KCNK2: variants seen among roughly 807,000 people sequenced by gnomAD.
The protein encoded by KCNK2 is potassium channel subfamily K member 2.
KCNK2 carries 21 observed loss-of-function variants against 40.5 expected under a neutral mutation model. The observed-to-expected ratio is 0.52, with a 90% CI of 0.37 to 0.75. KCNK2 has a LOEUF of 0.75. Ranked by LOEUF, KCNK2 falls within the 30% of genes least tolerant of loss-of-function variation. The probability of loss-of-function intolerance (pLI) is 0.00; values close to 1 mark genes in which losing one functional copy is unlikely to be tolerated. For synonymous variants in KCNK2, 191 were observed against 202.2 expected, an observed-to-expected ratio of 0.94 and a Z score of 0.47; for missense variants, 399 against 531.6, an observed-to-expected ratio of 0.75 and a Z score of 2.45.
At chr1:215,050,486 G>A (rs940634261) in intron 1 of KCNK2, among the ~76,000 whole-genome samples, 1 of 152,192 alleles carries the variant, frequency 6.6e-6, no homozygotes, top group African/African-American at 2.4e-5. Flanking sequence ...AATAGATAAA[G>A]TTCCTGTACT....
At chr1:215,118,316 T>C (rs1017204783) in intron 2 of KCNK2, among the ~76,000 whole-genome samples, 17 of 152,194 alleles carry the variant, frequency 1.1e-4, no homozygotes. Context: ...TGGGTGATGA[T>C]TATTTTTGTG....
At chr1:215,175,469 A>T (rs2102642119) in intron 5 of KCNK2, among the ~76,000 whole-genome samples, 1 of 151,848 alleles carries the variant, frequency 6.6e-6, no homozygotes, top group African/African-American at 2.4e-5. Context: ...TGTTTTGTTA[A>T]GCACATATTT....
chr1:215,086,992 T>C (rs1558084526), intron 2 of KCNK2, among the ~76,000 whole-genome samples: 1 of 152,254 alleles, frequency 6.6e-6, no homozygotes, highest in Non-Finnish European at 1.5e-5. Flanking sequence ...CCCTTTGCCC[T>C]GTCTTAGAAG....
At chr1:215,203,865 C>T (rs987807232) in intron 6 of KCNK2, among the ~76,000 whole-genome samples, 4 of 151,596 alleles carry the variant, frequency 2.6e-5, no homozygotes, top group African/African-American at 9.7e-5. Flanking sequence ...CATGAAACCC[C>T]GTCTCTACTA....
chr1:215,061,759 A>T (rs186617688), intron 1 of KCNK2, among the ~76,000 whole-genome samples: 2,182 of 148,190 alleles, frequency 0.015, 33 homozygotes, highest in African/African-American at 0.038. Flanking sequence ...ATTTTTTTTT[A>T]AAAAAAATTT....
intron 2 of KCNK2, among the ~76,000 whole-genome samples, chr1:215,111,334 T>C (rs1660675466): frequency 6.6e-6 from 1 of 152,162 alleles, no homozygotes; most frequent in South Asian, 2.1e-4. Context: ...TTTTTCACCA[T>C]TGAGTATAAT....
upstream of KCNK2, among the ~76,000 whole-genome samples, chr1:215,078,573 G>A (rs572090582): frequency 6.6e-6 from 1 of 152,204 alleles, no homozygotes; most frequent in East Asian, 1.9e-4. Context: ...ACTATCATGA[G>A]AACAGCATGG....
At chr1:215,175,949 T>A (rs1475506420) in intron 5 of KCNK2, among the ~76,000 whole-genome samples, 1 of 152,124 alleles carries the variant, frequency 6.6e-6, no homozygotes, top group Non-Finnish European at 1.5e-5. Flanking sequence ...TGAATAGGGC[T>A]CTGATAAACA....
intron 2 of KCNK2, among the ~76,000 whole-genome samples, chr1:215,088,310 T>C (rs1659543220): frequency 6.6e-6 from 1 of 152,190 alleles, no homozygotes; most frequent in African/African-American, 2.4e-5. Context: ...AGTTGAGTGC[T>C]TTATTAGAAG....
At chr1:215,131,161 GT>G (rs900605075) in intron 3 of KCNK2, among the ~76,000 whole-genome samples, 4 of 151,444 alleles carry the variant, frequency 2.6e-5, no homozygotes, top group African/African-American at 7.3e-5. Context: ...CGCCCAGCAA[GT>G]TTTTTTTATT....
At chr1:215,165,980 C>T (rs566481868) in intron 3 of KCNK2, among the ~76,000 whole-genome samples, 2 of 152,182 alleles carry the variant, frequency 1.3e-5, no homozygotes, top group Admixed American at 1.3e-4. Flanking sequence ...TAATTTTAGG[C>T]TCTAACGTAA....
At chr1:215,049,592 C>T (rs982223172) in intron 1 of KCNK2, among the ~76,000 whole-genome samples, 2 of 152,020 alleles carry the variant, frequency 1.3e-5, no homozygotes, top group African/African-American at 4.8e-5. Flanking sequence ...TAGAGCTTTT[C>T]TCTTATTTTT....
At chr1:215,231,015 T>C (rs1666639246) in intron 6 of KCNK2, among the ~76,000 whole-genome samples, 1 of 152,174 alleles carries the variant, frequency 6.6e-6, no homozygotes, top group South Asian at 2.1e-4. Flanking sequence ...CACTAACTGG[T>C]AGAAGCACTC....
chr1:215,149,841 A>C (rs139365762), intron 3 of KCNK2, among the ~76,000 whole-genome samples: 63 of 152,350 alleles, frequency 4.1e-4, no homozygotes, highest in Non-Finnish European at 8.4e-4. Context: ...CACACTCTGA[A>C]ACTTTATCAG....
intron 2 of KCNK2, among the ~76,000 whole-genome samples, chr1:215,121,950 CAGAA>C (rs1661206156): frequency 2.0e-5 from 3 of 152,056 alleles, no homozygotes; most frequent in Non-Finnish European, 4.4e-5. Context: ...CTGGCACAAA[CAGAA>C]GATCTTTGAT....
rs1054631855 is a variant in KCNK2 at position 215,101,457 on chromosome 1, A to G, written c.357+14779A>G. 4.6e-5 allele frequency among the ~76,000 whole-genome samples: 7 copies of G among 152,052 alleles called. 1 individual carries two copies. The South Asian group carries it at 8.3e-4, about 18-fold the overall frequency. ...GGAAAAGGCAGCACATGCAAAGGCT[A>G]GAACATACTTGATGTGTTCTAAGAC... On this transcript the variant is annotated intron_variant, in intron 2 of 6. Coordinates refer to ENST00000444842, the MANE Select transcript of KCNK2 (RefSeq NM_001017425.3).
chr1:215,079,417 A>T (rs1195333301), upstream of KCNK2, among the ~76,000 whole-genome samples: 2 of 152,190 alleles, frequency 1.3e-5, no homozygotes, highest in African/African-American at 4.8e-5. Flanking sequence ...ATCTTATATG[A>T]CTGGAGCAGG....
rs367732796 is a variant in KCNK2 at position 215,195,452 on chromosome 1, CA to C, written c.963+362del. The stretch of plus-strand genomic sequence containing the variant: ...AAAATATAATAGAAAATATTTGTAT[CA>C]AGATATCAGTAGCATGAAATAGTGG... On this transcript the variant is annotated intron_variant, in intron 6 of 6. Transcript: ENST00000444842. Among the ~76,000 whole-genome samples, 638 of 151,384 alleles carry C rather than the reference CA, an allele frequency of 4.2e-3. 19 individuals are homozygous for C. In the South Asian group the frequency reaches 0.063, roughly 15 times the overall value.
chr1:215,022,771 T>A (rs1485784385), intron 1 of KCNK2, among the ~76,000 whole-genome samples: 1 of 152,160 alleles, frequency 6.6e-6, no homozygotes, highest in Non-Finnish European at 1.5e-5. Context: ...CTGATTTTTC[T>A]CTTCTTTTCC....
Sources: allele counts gnomAD v4.1 joint callset (sites outside exome capture counted in the v4.1 genomes callset), GRCh38; gene constraint gnomAD v4.1.1; transcripts MANE v1.5; gene names NCBI Gene and HGNC (gene_info 2026-07-23, HGNC 2026-07-21).